The following MYO1E variants were observed in gnomAD, a reference collection of about 807,000 sequenced individuals.
MYO1E encodes myosin IE.
MYO1E carries 68 observed loss-of-function variants against 151.1 expected under a neutral mutation model. The ratio of observed to expected loss-of-function variants is 0.45; its 90% CI spans 0.37 to 0.55. MYO1E has a LOEUF of 0.55. Ranked by LOEUF, MYO1E falls within the 20% of genes least tolerant of loss-of-function variation. MYO1E has a pLI of 0.00. For missense variants in MYO1E, 1,363 were observed against 1,389.3 expected (o/e 0.98, Z 0.30); for synonymous variants, 601 against 501.7 (o/e 1.20, Z -2.64).
intron 19 of MYO1E, among the ~76,000 whole-genome samples, chr15:59,176,797 A>T (rs1333635408): frequency 6.6e-6 from 1 of 152,120 alleles, no homozygotes; most frequent in Non-Finnish European, 1.5e-5. Flanking sequence ...TTTGCATGTC[A>T]GGGCTAGATG....
chr15:59,270,069 T>A (rs1322276619), intron 2 of MYO1E, among the ~76,000 whole-genome samples: 12 of 152,136 alleles, frequency 7.9e-5, no homozygotes, highest in African/African-American at 2.9e-4. Context: ...TGGTGGTAAG[T>A]AAGATTTTGT....
In MYO1E at chr15:59,160,718, CCAGT is replaced by C. The variant is rs1358196592; in HGVS notation, c.2785+351_2785+354del. ...ATAGGTGTGAGCCACCACGCCGGGC[CCAGT>C]CAATTTCTTTAAAGGTGGCATAGAG... On this transcript the variant is annotated intron_variant, in intron 24 of 27. Transcript: ENST00000288235. Among the ~76,000 whole-genome samples the C allele has an allele frequency of 4.6e-5, 7 of 151,988 alleles. 1 individual carries two copies. The highest frequency in any genetic ancestry group is 8.8e-5 in the Non-Finnish European group (6 of 67,980).
At chr15:59,231,559 T>C (rs2080028090) in intron 6 of MYO1E, 143 bp downstream of exon 6, 2 of 889,176 alleles carry the variant, frequency 2.2e-6, no homozygotes, top group African/African-American at 3.3e-5. Flanking sequence ...GGCATGCTGC[T>C]ATAGAAAATG....
chr15:59,219,319 A>C (rs1223932079), intron 9 of MYO1E, among the ~76,000 whole-genome samples: 10 of 152,232 alleles, frequency 6.6e-5, no homozygotes, highest in African/African-American at 2.4e-4. Context: ...AATATGAATG[A>C]AAGATTTTTA....
chr15:59,189,122 T>C (rs998349953), intron 17 of MYO1E, among the ~76,000 whole-genome samples: 1 of 151,878 alleles, frequency 6.6e-6, no homozygotes, highest in Non-Finnish European at 1.5e-5. Flanking sequence ...ATTGTAGTGA[T>C]GTGATAGCTC....
intron 21 of MYO1E, 26 bp from the exon 22 acceptor site, chr15:59,172,068 C>T: frequency 6.2e-7 from 1 of 1,611,922 alleles, no homozygotes; most frequent in Non-Finnish European, 8.5e-7. Flanking sequence ...CTTTAAGAAG[C>T]TGGACAGGCC....
intron 4 of MYO1E, among the ~76,000 whole-genome samples, chr15:59,255,314 C>T (rs1350955387): frequency 6.6e-6 from 1 of 152,064 alleles, no homozygotes; most frequent in African/African-American, 2.4e-5. Context: ...GATGGGGTTT[C>T]GCCATGTTGC....
intron 1 of MYO1E, 27 bp downstream of exon 1, chr15:59,372,471 T>C (rs2080953251): frequency 2.0e-6 from 3 of 1,537,984 alleles, no homozygotes; most frequent in Admixed American, 2.0e-5. Flanking sequence ...GGGTCCGGCG[T>C]CCTAGGACGC....
At chr15:59,175,051 C>A (rs2079616761) in intron 19 of MYO1E, among the ~76,000 whole-genome samples, 1 of 152,156 alleles carries the variant, frequency 6.6e-6, no homozygotes, top group Admixed American at 6.5e-5. Context: ...GATTTCCACA[C>A]AGTTTCATTC....
At chr15:59,163,050 A>G in intron 23 of MYO1E, 107 bp downstream of exon 23, 1 of 1,318,738 alleles carries the variant, frequency 7.6e-7, no homozygotes, top group Non-Finnish European at 1.1e-6. Context: ...GCCAGACCCC[A>G]CTCTTCTCCT....
At chr15:59,338,107 G>C (rs1018136167) in intron 1 of MYO1E, among the ~76,000 whole-genome samples, 1 of 151,458 alleles carries the variant, frequency 6.6e-6, no homozygotes, top group African/African-American at 2.4e-5. Context: ...AACTAAAGTG[G>C]CCCTATATTG....
chr15:59,358,215 G>A (rs368073833), intron 1 of MYO1E, among the ~76,000 whole-genome samples: 2 of 152,068 alleles, frequency 1.3e-5, no homozygotes, highest in South Asian at 2.1e-4. Context: ...AGAGCCTTAG[G>A]GAAGAGGAGG....
chr15:59,205,520 A>AACAAAATGTAATTTCATTGG, intron 14 of MYO1E, 35 bp from the exon 15 acceptor site: 1 of 1,544,298 alleles, frequency 6.5e-7, no homozygotes. Context: ...AATTTCATTG[A>AACAAAATGTAATTTCATTGG]ACAAAATGTA....
intron 27 of MYO1E, 68 bp from the exon 28 acceptor site, chr15:59,137,524 C>G (rs183237224): frequency 8.0e-7 from 1 of 1,255,022 alleles, no homozygotes; most frequent in Non-Finnish European, 1.2e-6. Flanking sequence ...ACACACACTC[C>G]GCTCCCATGG....
chr15:59,315,414 A>T (rs550414321), intron 1 of MYO1E, among the ~76,000 whole-genome samples: 1 of 152,224 alleles, frequency 6.6e-6, no homozygotes, highest in Non-Finnish European at 1.5e-5. Flanking sequence ...GGGGGAGAGT[A>T]TTAGGAAAAA....
chr15:59,179,408 A>C (rs1211462667), intron 18 of MYO1E, among the ~76,000 whole-genome samples: 8 of 152,210 alleles, frequency 5.3e-5, no homozygotes, highest in African/African-American at 1.9e-4. Flanking sequence ...AGGAGACCGG[A>C]TGCCACATCT....
intron 14 of MYO1E, chr15:59,206,788 A>G (rs1446433925): frequency 5.7e-6 from 4 of 702,378 alleles, no homozygotes; most frequent in Admixed American, 2.9e-5. Context: ...AGACTCTGGC[A>G]AGGCCCGCGC....
intron 3 of MYO1E, among the ~76,000 whole-genome samples, chr15:59,260,943 G>A (rs1413212377): frequency 6.6e-5 from 10 of 152,130 alleles, no homozygotes; most frequent in Non-Finnish European, 1.3e-4. Context: ...GCAGATCATT[G>A]GCCAGGCGTG....
chr15:59,207,935 T>G lies in MYO1E; in HGVS notation c.1530+746A>C, dbSNP rs371204950. ...ACCATAATTAAGGGCCTCTATGGAA[T>G]AGATGAAGAAGTATTCCTCAGTATT... On this transcript the variant is annotated intron_variant, in intron 14 of 27. Coordinates refer to ENST00000288235, the MANE Select transcript of MYO1E (RefSeq NM_004998.4). The G allele has an allele frequency of 8.7e-6, 14 of 1,613,964 alleles. No individual in the cohort carries two copies. In the African/African-American group the frequency reaches 1.5e-4, roughly 17 times the overall value.
Sources: gnomAD v4.1 joint callset for allele counts (sites outside exome capture counted in the v4.1 genomes callset) on GRCh38, gnomAD v4.1.1 for gene constraint, MANE v1.5 for transcripts, NCBI Gene and HGNC (gene_info 2026-07-23, HGNC 2026-07-21) for gene names.